FSTL5: variants seen among roughly 807,000 people sequenced by gnomAD.
The protein encoded by FSTL5 is follistatin like 5, also known as follistatin-related protein 5.
Under a neutral mutation model 89.1 loss-of-function variants are expected in FSTL5, and 62 were observed. The ratio of observed to expected loss-of-function variants is 0.70; its 90% CI spans 0.57 to 0.86. FSTL5 has a LOEUF of 0.86. Among genes scored for constraint, FSTL5 ranks in the 40% least tolerant of loss-of-function variants. The probability of loss-of-function intolerance (pLI) is 0.00; values close to 1 mark genes in which losing one functional copy is unlikely to be tolerated. For synonymous variants in FSTL5, 383 were observed against 346.2 expected, an observed-to-expected ratio of 1.11 and a Z score of -1.18; for missense variants, 1,057 against 1,001.6, an observed-to-expected ratio of 1.06 and a Z score of -0.75.
chr4:161,565,264 C>G (rs936159768), intron 8 of FSTL5, among the ~76,000 whole-genome samples: 2 of 147,346 alleles, frequency 1.4e-5, no homozygotes. Flanking sequence ...TATAATTAGC[C>G]ATAAGAACAT....
At chr4:161,658,468 A>C (rs1007754704) in intron 6 of FSTL5, among the ~76,000 whole-genome samples, 1 of 152,102 alleles carries the variant, frequency 6.6e-6, no homozygotes, top group Non-Finnish European at 1.5e-5. Context: ...CAAAAAAAAA[A>C]AAATAGGGAA....
intron 3 of FSTL5, among the ~76,000 whole-genome samples, chr4:162,017,436 G>A (rs1736946050): frequency 6.6e-6 from 1 of 152,100 alleles, no homozygotes; most frequent in Non-Finnish European, 1.5e-5. Flanking sequence ...TATTATAAAT[G>A]TTATCTGGTA....
intron 1 of FSTL5, among the ~76,000 whole-genome samples, chr4:162,127,725 C>G (rs956937707): frequency 7.9e-5 from 12 of 151,790 alleles, no homozygotes; most frequent in African/African-American, 2.9e-4. Context: ...TGAGACATTA[C>G]TATGAAAATC....
intron 2 of FSTL5, among the ~76,000 whole-genome samples, chr4:162,081,142 AT>A (rs1461838359): frequency 6.6e-6 from 1 of 151,674 alleles, no homozygotes; most frequent in Non-Finnish European, 1.5e-5. Context: ...AATGATGAAT[AT>A]TTAATCACTC....
At chr4:161,838,685 A>G (rs1302621219) in intron 4 of FSTL5, among the ~76,000 whole-genome samples, 1 of 152,156 alleles carries the variant, frequency 6.6e-6, no homozygotes, top group Admixed American at 6.6e-5. Flanking sequence ...AGTGTTACCT[A>G]TATCAAATAT....
intron 2 of FSTL5, among the ~76,000 whole-genome samples, chr4:162,080,050 T>C (rs1242142658): frequency 6.6e-6 from 1 of 151,524 alleles, no homozygotes; most frequent in Admixed American, 6.6e-5. Flanking sequence ...AGGAAAAGTG[T>C]ATCCACCTCC....
chr4:161,871,996 ATTT>A (rs5863493), intron 4 of FSTL5, among the ~76,000 whole-genome samples: 1 of 146,810 alleles, frequency 6.8e-6, no homozygotes, highest in Non-Finnish European at 1.5e-5. Context: ...AATTTTTTTA[ATTT>A]TTTTTTTTTT....
intron 2 of FSTL5, among the ~76,000 whole-genome samples, chr4:162,086,974 T>C (rs1232019674): frequency 6.6e-6 from 1 of 152,050 alleles, no homozygotes; most frequent in Admixed American, 6.6e-5. Context: ...GAGATAACCT[T>C]CATATGATGA....
chr4:161,601,329 GAAAA>G (rs35261391), intron 7 of FSTL5, among the ~76,000 whole-genome samples: 2 of 107,566 alleles, frequency 1.9e-5, no homozygotes, highest in African/African-American at 7.3e-5. Context: ...TAAATAGTTG[GAAAA>G]AAAAAAAAAA....
chr4:161,919,317 T>A (rs1733926103), intron 4 of FSTL5, among the ~76,000 whole-genome samples: 1 of 152,188 alleles, frequency 6.6e-6, no homozygotes, highest in African/African-American at 2.4e-5. Flanking sequence ...CCAGTTTTAC[T>A]TCAAATGTGT....
chr4:161,656,130 C>T (rs111931460), intron 7 of FSTL5, among the ~76,000 whole-genome samples, 198 bp downstream of exon 7: 218 of 152,186 alleles, frequency 1.4e-3, no homozygotes, highest in African/African-American at 5.0e-3. Context: ...AACCATTTTG[C>T]TATACCAATA....
intron 5 of FSTL5, among the ~76,000 whole-genome samples, chr4:161,766,370 A>C (rs1332932336): frequency 6.6e-6 from 1 of 152,176 alleles, no homozygotes; most frequent in Non-Finnish European, 1.5e-5. Flanking sequence ...GCCTCCCCTC[A>C]TCTGACACTG....
At chr4:161,435,062 C>T (rs1322552874) in intron 15 of FSTL5, among the ~76,000 whole-genome samples, 1 of 151,968 alleles carries the variant, frequency 6.6e-6, no homozygotes, top group Non-Finnish European at 1.5e-5. Flanking sequence ...TCCAGAAATC[C>T]CATTGCTAGG....
intron 14 of FSTL5, among the ~76,000 whole-genome samples, chr4:161,455,942 T>C (rs984696799): frequency 1.3e-4 from 20 of 152,226 alleles, no homozygotes; most frequent in Non-Finnish European, 2.5e-4. Flanking sequence ...AAAGTAATTC[T>C]CCCTCAAGAC....
chr4:161,533,969 A>G (rs1731509335), intron 10 of FSTL5, among the ~76,000 whole-genome samples: 1 of 152,154 alleles, frequency 6.6e-6, no homozygotes, highest in Non-Finnish European at 1.5e-5. Context: ...AAATATAATT[A>G]AAAACAAAGA....
intron 4 of FSTL5, among the ~76,000 whole-genome samples, chr4:161,838,883 T>C (rs1731129494): frequency 6.6e-6 from 1 of 150,624 alleles, no homozygotes; most frequent in Non-Finnish European, 1.5e-5. Context: ...AGCAAGTATT[T>C]ACTCTGAACG....
intron 6 of FSTL5, among the ~76,000 whole-genome samples, chr4:161,748,877 G>A (rs1740297423): frequency 7.1e-6 from 1 of 140,608 alleles, no homozygotes; most frequent in African/African-American, 2.7e-5. Flanking sequence ...CATGAAAAAT[G>A]TTTCTCAAAA....
At chr4:161,900,733 T>C (rs937824931) in intron 4 of FSTL5, among the ~76,000 whole-genome samples, 5 of 149,558 alleles carry the variant, frequency 3.3e-5, no homozygotes, top group African/African-American at 1.2e-4. Context: ...CCAAGGTGCC[T>C]GAATATACCT....
intron 15 of FSTL5, among the ~76,000 whole-genome samples, chr4:161,434,478 C>G (rs966148230): frequency 2.0e-5 from 3 of 151,892 alleles, no homozygotes; most frequent in African/African-American, 7.2e-5. Flanking sequence ...TGAGGAAACT[C>G]AATGGAGTTG....
Sources: gnomAD v4.1 joint callset for allele counts (sites outside exome capture counted in the v4.1 genomes callset) on GRCh38, gnomAD v4.1.1 for gene constraint, MANE v1.5 for transcripts, NCBI Gene and HGNC (gene_info 2026-07-23, HGNC 2026-07-21) for gene names.